MAGI2: variants seen among roughly 807,000 people sequenced by gnomAD.
MAGI2 encodes the protein membrane associated guanylate kinase, WW and PDZ domain containing 2.
In MAGI2, 35 loss-of-function variants were observed where a neutral mutation model predicts 133.3. That is an observed-to-expected ratio of 0.26 (90% CI 0.20 to 0.35). The LOEUF is 0.35. Ranked by LOEUF, MAGI2 falls within the 10% of genes least tolerant of loss-of-function variation. MAGI2 has a pLI of 1.00. For missense variants in MAGI2, 1,636 were observed against 1,863.4 expected (o/e 0.88, Z 2.25); for synonymous variants, 729 against 710.6 (o/e 1.03, Z -0.41).
At chr7:78,665,942 T>TTA (rs780676415) in intron 2 of MAGI2, among the ~76,000 whole-genome samples, 106 of 152,160 alleles carry the variant, frequency 7.0e-4, no homozygotes, top group South Asian at 6.2e-4. Context: ...AACCAGGTAG[T>TTA]TATAGTAGGG....
At chr7:78,600,948 G>A (rs1306728108) in intron 3 of MAGI2, among the ~76,000 whole-genome samples, 2 of 152,158 alleles carry the variant, frequency 1.3e-5, no homozygotes, top group Non-Finnish European at 2.9e-5. Context: ...GACAGGTGTA[G>A]TGGGACACTC....
chr7:78,875,783 AC>A (rs1157383306), intron 2 of MAGI2, among the ~76,000 whole-genome samples: 3 of 152,230 alleles, frequency 2.0e-5, no homozygotes, highest in Non-Finnish European at 4.4e-5. Context: ...GGCATAGCAA[AC>A]AAAAACTTCA....
At chr7:79,049,228 G>C (rs960798712) in intron 1 of MAGI2, among the ~76,000 whole-genome samples, 1 of 152,098 alleles carries the variant, frequency 6.6e-6, no homozygotes, top group African/African-American at 2.4e-5. Flanking sequence ...AGTTCAAATT[G>C]TGTATTGTGT....
chr7:78,234,127 A>T (rs1157796857), intron 10 of MAGI2, among the ~76,000 whole-genome samples: 5 of 152,176 alleles, frequency 3.3e-5, no homozygotes, highest in Admixed American at 3.3e-4. Context: ...TTTGACAAAT[A>T]AAAAAATACA....
chr7:79,299,626 T>A (rs575587669), intron 1 of MAGI2, among the ~76,000 whole-genome samples: 1 of 150,434 alleles, frequency 6.6e-6, no homozygotes, highest in East Asian at 2.0e-4. Flanking sequence ...TATAAAATTA[T>A]ATATTTCAAA....
Position 79,011,924 on chromosome 7 carries a change from C to CCTTTCTTTCTTTCTTTCTTTCTTTCTTT in MAGI2, c.302-4719_302-4718insAAAGAAAGAAAGAAAGAAAGAAAGAAAG, listed in dbSNP as rs147300397. On this transcript the variant is annotated intron_variant, in intron 1 of 21. Coordinates refer to ENST00000354212, the MANE Select transcript of MAGI2 (RefSeq NM_012301.4). ...TCCTTCCTTCCTTCCTTCCTTCCTTCCTTTCTTTCTTTCTTTCTTTCTTTC... is the reference window on the plus strand; with the variant it reads ...TCCTTCCTTCCTTCCTTCCTTCCTTCCTTTCTTTCTTTCTTTCTTTCTTTCTTTCTTTCTTTCTTTCTTTCTTTCTTTC... Among the ~76,000 whole-genome samples, 210 of 121,266 alleles carry CCTTTCTTTCTTTCTTTCTTTCTTTCTTT rather than the reference C, an allele frequency of 1.7e-3. 2 individuals are homozygous for CCTTTCTTTCTTTCTTTCTTTCTTTCTTT. Among genetic ancestry groups the CCTTTCTTTCTTTCTTTCTTTCTTTCTTT allele is most frequent in the African/African-American group, 6.4e-3 (193 of 30,166 alleles). The allele number at this position is 121,266 out of a possible 152,430, so 79.6% of individuals were successfully genotyped here.
chr7:79,354,951 C>T (rs1164486816), intron 1 of MAGI2, among the ~76,000 whole-genome samples: 2 of 152,214 alleles, frequency 1.3e-5, no homozygotes, highest in Admixed American at 1.3e-4. Flanking sequence ...TCTCCTACCT[C>T]TGTTGGGATC....
chr7:78,631,090 G>A (rs2150964290), intron 2 of MAGI2, among the ~76,000 whole-genome samples: 1 of 152,248 alleles, frequency 6.6e-6, no homozygotes, highest in African/African-American at 2.4e-5. Flanking sequence ...CATTGTTTGA[G>A]ATTTTCCAAG....
At position 79,377,079 on chromosome 7, in the gene MAGI2, T is replaced by C. The variant is rs191528717; in HGVS notation, c.301+75941A>G. Reference sequence around the variant, plus strand: ...ATATAAAGTTAAGATTTTTAAAATATTTTTTGTGTTTTACATTTTAGACTC... The same window carrying C: ...ATATAAAGTTAAGATTTTTAAAATACTTTTTGTGTTTTACATTTTAGACTC... On this transcript the variant is annotated intron_variant, in intron 1 of 21. Transcript: ENST00000354212. 5.0e-3 allele frequency among the ~76,000 whole-genome samples: 752 copies of C among 151,872 alleles called. 7 individuals carry two copies. Among genetic ancestry groups the C allele is most frequent in the Non-Finnish European group, 5.8e-3 (393 of 67,876 alleles).
chr7:78,963,579 G>A (rs1251632662), intron 2 of MAGI2, among the ~76,000 whole-genome samples: 1 of 152,016 alleles, frequency 6.6e-6, no homozygotes, highest in Non-Finnish European at 1.5e-5. Context: ...AGCTGGAAGT[G>A]ACACTGGCCT....
intron 1 of MAGI2, among the ~76,000 whole-genome samples, chr7:79,317,661 G>T (rs1838843981): frequency 6.6e-6 from 1 of 152,044 alleles, no homozygotes; most frequent in African/African-American, 2.4e-5. Flanking sequence ...TACACTCACA[G>T]CCCAATTCAC....
chr7:78,456,090 C>A (rs1251143193), intron 6 of MAGI2, among the ~76,000 whole-genome samples: 1 of 149,358 alleles, frequency 6.7e-6, no homozygotes, highest in South Asian at 2.1e-4. Context: ...TTTTTCTACT[C>A]TTTGCCCTTT....
At chr7:79,077,453 T>C (rs1303742386) in intron 1 of MAGI2, among the ~76,000 whole-genome samples, 2 of 150,514 alleles carry the variant, frequency 1.3e-5, no homozygotes, top group Non-Finnish European at 3.0e-5. Context: ...CCCAGCTAAG[T>C]AGTCCCAGCT....
chr7:79,175,567 C>T (rs1053298365), intron 1 of MAGI2, among the ~76,000 whole-genome samples: 1 of 151,894 alleles, frequency 6.6e-6, no homozygotes, highest in Non-Finnish European at 1.5e-5. Context: ...CATTTAATGA[C>T]AAGGATAGTT....
intron 3 of MAGI2, among the ~76,000 whole-genome samples, chr7:78,525,647 G>A (rs889134741): frequency 6.6e-6 from 1 of 152,144 alleles, no homozygotes; most frequent in Non-Finnish European, 1.5e-5. Context: ...CAACAATATG[G>A]TGTAATGCTT....
chr7:79,136,121 GAAAGAA>G (rs1368877279), intron 1 of MAGI2, among the ~76,000 whole-genome samples: 48 of 146,932 alleles, frequency 3.3e-4, no homozygotes, highest in South Asian at 6.5e-4. Flanking sequence ...AAGAAAGAAA[GAAAGAA>G]AGACACAAAA....
intron 1 of MAGI2, among the ~76,000 whole-genome samples, chr7:79,440,846 T>TG (rs1848448888): frequency 1.3e-5 from 2 of 152,204 alleles, no homozygotes; most frequent in Non-Finnish European, 2.9e-5. Context: ...AAGGAGCCAG[T>TG]AGCTTTTCCT....
At chr7:78,689,783 T>C (rs1816769591) in intron 2 of MAGI2, among the ~76,000 whole-genome samples, 1 of 151,270 alleles carries the variant, frequency 6.6e-6, no homozygotes, top group Admixed American at 6.6e-5. Flanking sequence ...TTAAGTAGTA[T>C]TTCATTGTAA....
At chr7:78,267,462 C>G (rs1412184064) in intron 9 of MAGI2, among the ~76,000 whole-genome samples, 2 of 152,060 alleles carry the variant, frequency 1.3e-5, no homozygotes, top group Non-Finnish European at 2.9e-5. Flanking sequence ...AACTTGGACC[C>G]TTTTATTTCC....
Sources: allele counts gnomAD v4.1 joint callset (sites outside exome capture counted in the v4.1 genomes callset), GRCh38; gene constraint gnomAD v4.1.1; transcripts MANE v1.5; gene names NCBI Gene and HGNC (gene_info 2026-07-23, HGNC 2026-07-21).